The following MRE11 variants were observed in gnomAD, a reference collection of about 807,000 sequenced individuals.
The protein encoded by MRE11 is MRE11 double strand break repair nuclease.
A neutral mutation model predicts 91.7 loss-of-function variants in MRE11; 62 were observed. That is an observed-to-expected ratio of 0.68 (90% confidence interval 0.55 to 0.84). The LOEUF is 0.84. Among genes scored for constraint, MRE11 ranks in the 40% least tolerant of loss-of-function variants. MRE11 has a pLI of 0.00. For missense variants in MRE11, 796 were observed against 852.9 expected (o/e 0.93, Z 0.83); for synonymous variants, 273 against 271.4 (o/e 1.01, Z -0.06).
intron 11 of MRE11, among the ~76,000 whole-genome samples, chr11:94,463,709 C>G (rs956555405): frequency 6.6e-6 from 1 of 150,628 alleles, no homozygotes; most frequent in Non-Finnish European, 1.5e-5. Flanking sequence ...CATATTCTCA[C>G]TCATAGGTGG....
At chr11:94,479,532 A>G in intron 5 of MRE11, 142 bp downstream of exon 5, 6 of 703,104 alleles carry the variant, frequency 8.5e-6, no homozygotes, top group Non-Finnish European at 1.2e-5. Flanking sequence ...GCAGTATAAA[A>G]GCTTGTATGA....
chr11:94,420,571 G>A (rs1464133753), intron 19 of MRE11, among the ~76,000 whole-genome samples: 1 of 152,104 alleles, frequency 6.6e-6, no homozygotes, highest in Non-Finnish European at 1.5e-5. Flanking sequence ...AAAAAATAAT[G>A]AAGCCACATG....
intron 19 of MRE11, among the ~76,000 whole-genome samples, chr11:94,422,105 A>G (rs989584649): frequency 2.0e-5 from 3 of 152,206 alleles, no homozygotes; most frequent in Non-Finnish European, 4.4e-5. Flanking sequence ...GGCCTAAGAG[A>G]AACACTTTCA....
At chr11:94,465,151 T>C (rs1240238835) in intron 10 of MRE11, among the ~76,000 whole-genome samples, 1 of 152,210 alleles carries the variant, frequency 6.6e-6, no homozygotes, top group African/African-American at 2.4e-5. Flanking sequence ...ATGAATGTCT[T>C]TTAGTCAGTA....
At chr11:94,439,363 G>A (rs1400227408) in intron 16 of MRE11, among the ~76,000 whole-genome samples, 1 of 151,844 alleles carries the variant, frequency 6.6e-6, no homozygotes, top group East Asian at 1.9e-4. Flanking sequence ...TTCAAAAAAA[G>A]GCCTAGTACT....
At chr11:94,484,850 C>T (rs1461836299) in intron 4 of MRE11, among the ~76,000 whole-genome samples, 1 of 152,174 alleles carries the variant, frequency 6.6e-6, no homozygotes, top group Non-Finnish European at 1.5e-5. Context: ...AGACAGAAAA[C>T]CTGACATGGG....
At chr11:94,466,013 T>C (rs1946551598) in intron 10 of MRE11, among the ~76,000 whole-genome samples, 1 of 152,072 alleles carries the variant, frequency 6.6e-6, no homozygotes, top group Admixed American at 6.6e-5. Context: ...GCATGTTCTC[T>C]GTGGGCAGGT....
intron 4 of MRE11, among the ~76,000 whole-genome samples, chr11:94,480,661 T>C (rs1307054920): frequency 2.6e-5 from 4 of 152,106 alleles, no homozygotes; most frequent in Non-Finnish European, 4.4e-5. Context: ...GCTGCCAATT[T>C]CCCACCATAG....
At chr11:94,435,698 T>C in intron 18 of MRE11, 134 bp downstream of exon 18, 1 of 727,702 alleles carries the variant, frequency 1.4e-6, no homozygotes, top group South Asian at 1.6e-5. Flanking sequence ...TCTGTTTTCA[T>C]TCCTCTACAT....
upstream of MRE11, chr11:94,498,750 T>A (rs1027899575): frequency 1.2e-4 from 65 of 559,982 alleles, no homozygotes; most frequent in African/African-American, 1.0e-3. Context: ...GTGATTTTTT[T>A]ATCAGAAATA....
chr11:94,438,098 A>C (rs1945673756), intron 16 of MRE11, among the ~76,000 whole-genome samples: 1 of 152,212 alleles, frequency 6.6e-6, no homozygotes, highest in African/African-American at 2.4e-5. Context: ...ACTGTGCTCC[A>C]GCCTGGGCAA....
the MRE11 span, among the ~76,000 whole-genome samples, chr11:94,501,640 A>G: frequency 6.6e-6 from 1 of 152,082 alleles, no homozygotes; most frequent in Non-Finnish European, 1.5e-5. Context: ...TTGAAAGCAC[A>G]GATCTACATG....
At chr11:94,434,147 T>C (rs1945536346) in intron 18 of MRE11, among the ~76,000 whole-genome samples, 1 of 152,216 alleles carries the variant, frequency 6.6e-6, no homozygotes, top group Admixed American at 6.5e-5. Flanking sequence ...GCCCTGTAAT[T>C]AGCATACCAC....
At chr11:94,510,912 C>T in the MRE11 span, among the ~76,000 whole-genome samples, 1 of 152,186 alleles carries the variant, frequency 6.6e-6, no homozygotes, top group East Asian at 1.9e-4. Context: ...AGCTCAACTA[C>T]ATAAGGGCAG....
At chr11:94,496,011 T>C (rs1267904141), upstream of MRE11, among the ~76,000 whole-genome samples, 1 of 152,198 alleles carries the variant, frequency 6.6e-6, no homozygotes, top group Non-Finnish European at 1.5e-5. Context: ...AGAACTATAG[T>C]TGCCTATCAA....
chr11:94,508,777 T>G, the MRE11 span, among the ~76,000 whole-genome samples: 1 of 152,000 alleles, frequency 6.6e-6, no homozygotes, highest in African/African-American at 2.4e-5. Context: ...TTTTTTTTTT[T>G]TCGAGACAGA....
chr11:94,512,316 A>G, the MRE11 span: 6 of 409,080 alleles, frequency 1.5e-5, no homozygotes, highest in African/African-American at 4.1e-5. Context: ...ATTAATGGAA[A>G]GTCCTTTGCT....
intron 16 of MRE11, among the ~76,000 whole-genome samples, chr11:94,437,901 G>T (rs376093887): frequency 2.0e-5 from 3 of 151,984 alleles, no homozygotes; most frequent in East Asian, 3.9e-4. Flanking sequence ...GAGGCGGGCG[G>T]ATCACTTAAG....
chr11:94,465,616 G>A lies in MRE11; in HGVS notation c.1099-1377C>T, dbSNP rs13447644. ...TTGCCATGTTGCCCAGGCTGGTCTC[G>A]AACTCCTGACGTCAGATGATTCAGC... On this transcript the variant is annotated intron_variant, in intron 10 of 19. Coordinates refer to ENST00000323929, the MANE Select transcript of MRE11 (RefSeq NM_005591.4). Among the ~76,000 whole-genome samples, 306 of 151,914 alleles carry A rather than the reference G, an allele frequency of 2.0e-3. 2 individuals carry two copies. Among genetic ancestry groups the A allele is most frequent in the African/African-American group, 7.1e-3 (295 of 41,408 alleles).
Sources: gnomAD v4.1 joint callset for allele counts (sites outside exome capture counted in the v4.1 genomes callset) on GRCh38, gnomAD v4.1.1 for gene constraint, MANE v1.5 for transcripts, NCBI Gene and HGNC (gene_info 2026-07-23, HGNC 2026-07-21) for gene names.